Variants in DPYSL3 observed in about 807,000 individuals in gnomAD.
The protein encoded by DPYSL3 is dihydropyrimidinase-related protein 3.
Under a neutral mutation model 66.1 loss-of-function variants are expected in DPYSL3, and 16 were observed. The observed-to-expected ratio is 0.24, with a 90% confidence interval of 0.16 to 0.37. The LOEUF (loss-of-function observed/expected upper bound fraction) is 0.37. Among genes scored for constraint, DPYSL3 ranks in the 10% least tolerant of loss-of-function variants. The probability of loss-of-function intolerance (pLI) is 1.00; values close to 1 mark genes in which losing one functional copy is unlikely to be tolerated. For missense variants in DPYSL3, 738 were observed against 916.2 expected (o/e 0.81, Z 2.51); for synonymous variants, 338 against 345.1 (o/e 0.98, Z 0.23).
rs143831736 is a variant in DPYSL3 at position 147,463,369 on chromosome 5, T to C, written c.382-38406A>G. On this transcript the variant is annotated intron_variant, in intron 1 of 13. Coordinates refer to ENST00000343218, the MANE Select transcript of DPYSL3 (RefSeq NM_001197294.2). ...AGTGCACCTAGCCATCTACCTTATATGGAAAGAAAACAAAAACGTGGCTTA... is the reference window on the plus strand; with the variant it reads ...AGTGCACCTAGCCATCTACCTTATACGGAAAGAAAACAAAAACGTGGCTTA... 3.0e-4 allele frequency among the ~76,000 whole-genome samples: 45 copies of C among 152,100 alleles called. 2 individuals carry two copies. In the East Asian group the frequency reaches 7.9e-3, roughly 27 times the overall value.
In DPYSL3 at chr5:147,400,773, A is replaced by G; in HGVS notation, c.1371T>C (p.Ile457=). 6.2e-7 allele frequency: 1 copy of G among 1,614,172 alleles called. No homozygotes were observed. The highest frequency in any genetic ancestry group is 1.1e-5 in the South Asian group (1 of 91,078). ...GAATGGCTGTGAAGTTGTCCTTCCC[A>G]ATTGCTTTCTGGGCAGTGCTGAAGG... is the stretch of plus-strand genomic sequence containing the variant. ...HCTFSTAQKA[I]GKDNFTAIPE... is the part of the protein sequence containing the mutation. Residue 457 remains isoleucine (I), a synonymous_variant, in exon 10 of 14, where the codon ATT becomes ATC. Coordinates refer to ENST00000343218, the MANE Select transcript of DPYSL3 (RefSeq NM_001197294.2).
chr5:147,501,667 C>T (rs112379496), intron 1 of DPYSL3, among the ~76,000 whole-genome samples: 4,642 of 151,850 alleles, frequency 0.031, 111 homozygotes, highest in South Asian at 0.044. Flanking sequence ...TTAGTAGAGA[C>T]GAGGTTTTGC....
chr5:147,407,094 T>C (rs1758343747), intron 7 of DPYSL3, among the ~76,000 whole-genome samples: 1 of 152,170 alleles, frequency 6.6e-6, no homozygotes, highest in African/African-American at 2.4e-5. Context: ...TGTCTGGGTA[T>C]GCTTGAATTG....
intron 1 of DPYSL3, among the ~76,000 whole-genome samples, chr5:147,470,086 C>G (rs995677242): frequency 3.3e-5 from 5 of 152,124 alleles, no homozygotes; most frequent in African/African-American, 1.2e-4. Context: ...AAGGCCTGAC[C>G]CTTATCCCAA....
Position 147,509,021 on chromosome 5 carries a change from T to C in DPYSL3, c.381+457A>G, listed in dbSNP as rs1188294765. On this transcript the variant is annotated intron_variant, in intron 1 of 13. Transcript: ENST00000343218. This position sits in a 1 kb window ranked among gnomAD's most constrained non-coding sequence, Gnocchi z 5.3. ...CCCTCCAGTACTTTCATCCGGGCAC[T>C]ATGGAGATGACCCCCATATTCCCAG... Among the ~76,000 whole-genome samples, 1 of 152,172 alleles carries C rather than the reference T, an allele frequency of 6.6e-6. No homozygotes were observed. The highest frequency in any genetic ancestry group is 1.5e-5 in the Non-Finnish European group (1 of 68,034).
At chr5:147,452,014 G>A (rs962197540) in intron 1 of DPYSL3, among the ~76,000 whole-genome samples, 4 of 152,128 alleles carry the variant, frequency 2.6e-5, no homozygotes, top group African/African-American at 4.8e-5. Flanking sequence ...GCCTCTACCA[G>A]GCAAAAGGAT....
At position 147,399,195 on chromosome 5, in the gene DPYSL3, T is replaced by C; in HGVS notation, c.1510A>G (p.Lys504Glu). 6.2e-7 allele frequency: 1 copy of C among 1,614,194 alleles called. No homozygotes were observed. The highest frequency in any genetic ancestry group is 8.5e-7 in the Non-Finnish European group (1 of 1,180,048). ...FVAVTSTNAA[K>E]IFNLYPRKGR... The stretch of plus-strand genomic sequence containing the variant: ...TTGCGGGGATACAGGTTGAAGATCT[T>C]GGCAGCGTTTGTGCTTGTCACAGCC... Residue 504 changes from lysine (K) to glutamate (E), a missense_variant, in exon 11 of 14, where the codon AAG becomes GAG. Lys to Glu is a moderately conservative substitution (Grantham distance 56). Coordinates refer to ENST00000343218, the MANE Select transcript of DPYSL3 (RefSeq NM_001197294.2).
chr5:147,417,439 T>A (rs1485356340), intron 3 of DPYSL3, among the ~76,000 whole-genome samples: 1 of 152,198 alleles, frequency 6.6e-6, no homozygotes, highest in Non-Finnish European at 1.5e-5. Flanking sequence ...CTTTTATGGC[T>A]TTGGTGCAAT....
rs550086281 is a variant in DPYSL3, at chr5:147,503,532, A to G, written c.381+5946T>C. The stretch of plus-strand genomic sequence containing the variant: ...GGTCTCAAACTCCTGGGCTCAAGCA[A>G]TCCTTCTGCCTTGGCTCCCAAAGTG... On this transcript the variant is annotated intron_variant, in intron 1 of 13. Transcript: ENST00000343218. Among the ~76,000 whole-genome samples, 15 of 152,158 alleles carry G rather than the reference A, an allele frequency of 9.9e-5. No homozygotes were observed. The East Asian group carries it at 2.3e-3, about 24-fold the overall frequency.
chr5:147,467,727 C>T (rs1753031035), intron 1 of DPYSL3, among the ~76,000 whole-genome samples: 1 of 152,162 alleles, frequency 6.6e-6, no homozygotes, highest in Non-Finnish European at 1.5e-5. Context: ...TAGATTATAC[C>T]TTTCATGGGG....
At chr5:147,433,175 CAT>C (rs1439690620) in intron 1 of DPYSL3, among the ~76,000 whole-genome samples, 2 of 152,122 alleles carry the variant, frequency 1.3e-5, no homozygotes, top group African/African-American at 4.8e-5. Flanking sequence ...AGTATAGGTC[CAT>C]ATGTGTCCAC....
chr5:147,497,744 G>T (rs1753542063), intron 1 of DPYSL3, among the ~76,000 whole-genome samples: 1 of 151,456 alleles, frequency 6.6e-6, no homozygotes, highest in Non-Finnish European at 1.5e-5. Flanking sequence ...GAAGATTGGG[G>T]AACTTCCTCA....
At chr5:147,450,702 G>GA (rs1446634576) in intron 1 of DPYSL3, among the ~76,000 whole-genome samples, 1 of 151,970 alleles carries the variant, frequency 6.6e-6, no homozygotes, top group African/African-American at 2.4e-5. Flanking sequence ...GTGGAAGGAG[G>GA]AAAAAACAAA....
At chr5:147,496,305 A>C (rs1183536472) in intron 1 of DPYSL3, among the ~76,000 whole-genome samples, 1 of 152,224 alleles carries the variant, frequency 6.6e-6, no homozygotes, top group Admixed American at 6.5e-5. Context: ...CCTAGAAGAA[A>C]ACCTACACAA....
At chr5:147,460,845 A>T (rs1354237617) in intron 1 of DPYSL3, among the ~76,000 whole-genome samples, 2 of 152,130 alleles carry the variant, frequency 1.3e-5, no homozygotes, top group Non-Finnish European at 2.9e-5. Context: ...AGTAGGAAGG[A>T]CCCTGCAACG....
intron 1 of DPYSL3, among the ~76,000 whole-genome samples, chr5:147,472,181 T>C (rs765742504): frequency 3.0e-4 from 45 of 152,172 alleles, no homozygotes; most frequent in Non-Finnish European, 5.1e-4. Context: ...ACTGCCTCAC[T>C]TCATCCTAGA....
intron 8 of DPYSL3, among the ~76,000 whole-genome samples, chr5:147,405,040 C>T (rs750177189): frequency 5.3e-5 from 8 of 152,156 alleles, no homozygotes; most frequent in Non-Finnish European, 7.3e-5. Context: ...TCCCATCATG[C>T]TCTCTGCCAA....
At chr5:147,481,330 T>A (rs1037496699) in intron 1 of DPYSL3, among the ~76,000 whole-genome samples, 39 of 152,368 alleles carry the variant, frequency 2.6e-4, no homozygotes, top group African/African-American at 9.4e-4. Context: ...ATGTAATATA[T>A]TACACATAAT....
intron 1 of DPYSL3, among the ~76,000 whole-genome samples, chr5:147,489,732 T>C (rs1202691983): frequency 6.9e-6 from 1 of 145,542 alleles, no homozygotes; most frequent in South Asian, 2.1e-4. Flanking sequence ...TTTCCTTTTA[T>C]GTTTTTTTTT....
Sources: allele counts gnomAD v4.1 joint callset (sites outside exome capture counted in the v4.1 genomes callset), GRCh38; gene constraint gnomAD v4.1.1; non-coding constraint Gnocchi (gnomAD v3.1); transcripts MANE v1.5; gene names NCBI Gene and HGNC (gene_info 2026-07-23, HGNC 2026-07-21).